Variants in SEMA5B observed in about 807,000 individuals in gnomAD.
The protein encoded by SEMA5B is semaphorin 5B, also known as semaphorin-5B.
A neutral mutation model predicts 135.0 loss-of-function variants in SEMA5B; 66 were observed. The ratio of observed to expected loss-of-function variants is 0.49; its 90% CI spans 0.40 to 0.60. The LOEUF (loss-of-function observed/expected upper bound fraction) is 0.60, where lower values mean the gene tolerates loss of function less well. Among genes scored for constraint, SEMA5B ranks in the 20% least tolerant of loss-of-function variants. SEMA5B has a pLI of 0.00. For missense variants in SEMA5B, 1,501 were observed against 1,566.3 expected, an observed-to-expected ratio of 0.96 and a Z score of 0.70; for synonymous variants, 690 against 639.5, an observed-to-expected ratio of 1.08 and a Z score of -1.19.
chr3:123,009,241 C>T (rs749830982), intron 1 of SEMA5B, among the ~76,000 whole-genome samples: 29 of 152,138 alleles, frequency 1.9e-4, no homozygotes, highest in Non-Finnish European at 2.8e-4. Context: ...GTGCAGGGAG[C>T]GGGGGTTGAG....
chr3:122,969,851 G>A (rs1165525533), intron 1 of SEMA5B, among the ~76,000 whole-genome samples: 1 of 152,216 alleles, frequency 6.6e-6, no homozygotes, highest in Non-Finnish European at 1.5e-5. Context: ...GGCTGTGGAA[G>A]GTATTTTTGG....
At chr3:122,985,697 A>C (rs1048414640) in intron 1 of SEMA5B, among the ~76,000 whole-genome samples, 1 of 152,154 alleles carries the variant, frequency 6.6e-6, no homozygotes, top group Non-Finnish European at 1.5e-5. Flanking sequence ...AGATAGCTGG[A>C]ATCTTGCGGG....
Position 122,910,049 on chromosome 3 carries a change from G to T in SEMA5B, c.*94C>A. On this transcript the variant is annotated 3_prime_UTR_variant, in exon 23 of 23. Transcript: ENST00000357599. ...CAAGGCAGCAAGTTCTTGGCCTAGTGCAGAGGGAGAAAACCAAACTGGCTC... is the reference window on the plus strand; with the variant it reads ...CAAGGCAGCAAGTTCTTGGCCTAGTTCAGAGGGAGAAAACCAAACTGGCTC... 7.3e-7 allele frequency: 1 copy of T among 1,364,886 alleles called. No individual in the cohort carries two copies. Among genetic ancestry groups the T allele is most frequent in the Non-Finnish European group, 1.0e-6 (1 of 995,534 alleles). 84.5% of individuals were successfully genotyped at this position (1,364,886 alleles called of 1,614,324 possible). A position where few individuals can be genotyped will look rare whatever the true frequency, so the allele number is the denominator to read the frequency against.
At position 122,912,059 on chromosome 3, in the gene SEMA5B, C is replaced by T. The variant is rs144363900; in HGVS notation, c.2907G>A (p.Ser969=). The change falls in exon 20 of 23, where the codon TCG becomes TCA. Residue 969 remains serine (S), a synonymous_variant. Transcript: ENST00000357599. ...TGCACTTACTCCACTCAGACCAGGG[C>T]GACCAGCCTTCTGGGGATTGTGGGT... ...CATQACPEGW[S]PWSEWSKCTD... 6.2e-7 allele frequency: 1 copy of T among 1,612,090 alleles called. No homozygotes were observed. Among genetic ancestry groups the T allele is most frequent in the Admixed American group, 1.7e-5 (1 of 59,910 alleles).
rs201933210 is a variant in SEMA5B, at chr3:122,922,373, G to C, written c.1347C>G (p.Phe449Leu). ...CCGGCTGCACGGCCTCGCTCATCAG[G>C]AAGAGGCGCTGCGCGTCCTGCAGGC... Reference protein sequence around the residue: ...ERSLQDAQRLFLMSEAVQPVT... With the variant: ...ERSLQDAQRLLLMSEAVQPVT... Residue 449 changes from phenylalanine to leucine, a missense_variant, in exon 11 of 23, where the codon TTC becomes TTG. Transcript: ENST00000357599. 3 of 1,612,930 alleles carry C rather than the reference G, an allele frequency of 1.9e-6. No homozygotes were observed. The highest frequency in any genetic ancestry group is 3.3e-5 in the Admixed American group (2 of 59,914).
intron 21 of SEMA5B, 171 bp downstream of exon 21, chr3:122,911,320 G>T (rs759321635): frequency 1.4e-5 from 21 of 1,514,982 alleles, no homozygotes; most frequent in Admixed American, 6.0e-5. Flanking sequence ...CTCCTAGCTG[G>T]GGGGGGCATG....
At chr3:122,983,716 C>CAAAAAAA (rs57975297) in intron 1 of SEMA5B, among the ~76,000 whole-genome samples, 1 of 53,432 alleles carries the variant, frequency 1.9e-5, no homozygotes, top group Non-Finnish European at 3.8e-5. Context: ...AGACTCGTCT[C>CAAAAAAA]AAAAAAAAAA....
chr3:122,951,077 G>T (rs945212653), intron 2 of SEMA5B, among the ~76,000 whole-genome samples: 1 of 152,160 alleles, frequency 6.6e-6, no homozygotes, highest in Non-Finnish European at 1.5e-5. Context: ...GGGACCACAG[G>T]CATGCACCAT....
At chr3:122,943,153 G>C (rs1939635348) in intron 4 of SEMA5B, among the ~76,000 whole-genome samples, 1 of 152,178 alleles carries the variant, frequency 6.6e-6, no homozygotes, top group South Asian at 2.1e-4. Flanking sequence ...ACCAGGCAGG[G>C]ACCGGGCAGG....
intron 1 of SEMA5B, among the ~76,000 whole-genome samples, chr3:123,016,806 T>A (rs2107813117): frequency 6.6e-6 from 1 of 151,958 alleles, no homozygotes; most frequent in East Asian, 1.9e-4. Context: ...AGTCTCATAA[T>A]CCTGGCCTAA....
At position 122,913,343 on chromosome 3, in the gene SEMA5B, T is replaced by C. The variant is rs773173841; in HGVS notation, c.2362A>G (p.Thr788Ala). The change falls in exon 17 of 23, where the codon ACG becomes GCG. Residue 788 changes from threonine to alanine, a missense_variant. Transcript: ENST00000357599. ...TGCTCCTGCCGTGCCCCGCCCTGCG[T>C]CACGTTCACGGGCAGCCACGGCGTC... ...PWTPWLPVNV[T>A]QGGARQEQRF... 1 of 1,581,058 alleles carries C rather than the reference T, an allele frequency of 6.3e-7. No homozygotes were observed. Among genetic ancestry groups the C allele is most frequent in the Non-Finnish European group, 8.5e-7 (1 of 1,170,788 alleles).
At chr3:122,978,897 G>C (rs1243063355) in intron 1 of SEMA5B, among the ~76,000 whole-genome samples, 1 of 152,188 alleles carries the variant, frequency 6.6e-6, no homozygotes, top group Non-Finnish European at 1.5e-5. Context: ...GGGCTGCTCT[G>C]TTTCCACCCC....
At position 122,926,448 on chromosome 3, in the gene SEMA5B, C is replaced by T; in HGVS notation, c.1080G>A (p.Gln360=). The change falls in exon 9 of 23, where the codon CAG becomes CAA. Residue 360 remains glutamine (Q), a synonymous_variant. Coordinates refer to ENST00000357599, the MANE Select transcript of SEMA5B (RefSeq NM_001031702.4). ...GEVPFYYNEL[Q]SAFHLPEQDL... Reference sequence around the variant, plus strand: ...CCTGCTCCGGCAAGTGGAAGGCACTCTGCAGCTCGTTATAGTAGAAGGGGA... The same window carrying T: ...CCTGCTCCGGCAAGTGGAAGGCACTTTGCAGCTCGTTATAGTAGAAGGGGA... 1 of 1,614,222 alleles carries T rather than the reference C, an allele frequency of 6.2e-7. No individual in the cohort carries two copies. The highest frequency in any genetic ancestry group is 1.1e-5 in the South Asian group (1 of 91,080).
At chr3:122,914,744 G>A (rs1325338909) in intron 14 of SEMA5B, among the ~76,000 whole-genome samples, 1 of 152,124 alleles carries the variant, frequency 6.6e-6, no homozygotes, top group Non-Finnish European at 1.5e-5. Context: ...GACCAGCCTA[G>A]GCAATATAGT....
chr3:122,984,980 A>G (rs535062600), intron 1 of SEMA5B, among the ~76,000 whole-genome samples: 2 of 152,322 alleles, frequency 1.3e-5, no homozygotes, highest in Admixed American at 6.5e-5. Flanking sequence ...TAGAATGAAT[A>G]AAGTGTCTAG....
chr3:122,915,795 G>A lies in SEMA5B; in HGVS notation c.1784C>T (p.Thr595Ile), dbSNP rs1005579715. ...LEDSSNMSLW[T>I]QNITACPVRN... ...CACAGGACAGGCGGTGATGTTCTGG[G>A]TCCAGAGGCTCATGTTGGAGCTGTC... Residue 595 changes from threonine to isoleucine, a missense_variant, in exon 13 of 23, where the codon ACC becomes ATC. By Grantham distance (89) the Thr-to-Ile change is moderately conservative. Coordinates refer to ENST00000357599, the MANE Select transcript of SEMA5B (RefSeq NM_001031702.4). 4 of 1,613,946 alleles carry A rather than the reference G, an allele frequency of 2.5e-6. No homozygotes were observed. The highest frequency in any genetic ancestry group is 1.3e-5 in the African/African-American group (1 of 74,888).
intron 1 of SEMA5B, among the ~76,000 whole-genome samples, chr3:123,002,170 G>A (rs929245580): frequency 2.0e-5 from 3 of 152,204 alleles, no homozygotes; most frequent in Admixed American, 2.0e-4. Context: ...AGAGAGCAAG[G>A]GAAGAGGAGT....
intron 5 of SEMA5B, among the ~76,000 whole-genome samples, chr3:122,933,279 A>C (rs1022729439): frequency 6.6e-6 from 1 of 152,110 alleles, no homozygotes; most frequent in Non-Finnish European, 1.5e-5. Context: ...ATGGTAGATC[A>C]ATTTTTCAAA....
At position 122,911,049 on chromosome 3, in the gene SEMA5B, G is replaced by C; in HGVS notation, c.3092-4C>G. 1 of 1,607,980 alleles carries C rather than the reference G, an allele frequency of 6.2e-7. No individual in the cohort carries two copies. Among genetic ancestry groups the C allele is most frequent in the African/African-American group, 1.3e-5 (1 of 74,902 alleles). ...ACCAAGTGGATGAGATTGAACCCTA[G>C]GGGAAGAGAGGCAGGTAGTAAGATG... On this transcript the variant is annotated splice_region_variant and splice_polypyrimidine_tract_variant and intron_variant, in intron 21 of 22. Transcript: ENST00000357599.
Sources: allele counts gnomAD v4.1 joint callset (sites outside exome capture counted in the v4.1 genomes callset), GRCh38; gene constraint gnomAD v4.1.1; transcripts MANE v1.5; gene names NCBI Gene and HGNC (gene_info 2026-07-23, HGNC 2026-07-21).